The following ASTN2 variants were observed in gnomAD, a reference collection of about 807,000 sequenced individuals.
ASTN2 encodes the protein astrotactin 2.
ASTN2 carries 54 observed loss-of-function variants against 139.8 expected under a neutral mutation model. That is an observed-to-expected ratio of 0.39 (90% CI 0.31 to 0.48). The LOEUF (loss-of-function observed/expected upper bound fraction) is 0.48, where lower values mean the gene tolerates loss of function less well. Ranked by LOEUF, ASTN2 falls within the 20% of genes least tolerant of loss-of-function variation. The pLI is 0.95. For synonymous variants in ASTN2, 756 were observed against 719.5 expected (o/e 1.05, Z -0.81); for missense variants, 1,565 against 1,725.1 (o/e 0.91, Z 1.64).
rs1857124007 is a variant in ASTN2 at position 116,637,348 on chromosome 9, C to G, written c.3072+14180G>C. On this transcript the variant is annotated intron_variant, in intron 17 of 22. Coordinates refer to ENST00000313400, the MANE Select transcript of ASTN2 (RefSeq NM_001365068.1). ...TCACTGAGCTTTTTCTAGTGCAAGG[C>G]AGTGTTGCTAAGCACCTTACATGAA... Among the ~76,000 whole-genome samples, 3 of 152,172 alleles carry G rather than the reference C, an allele frequency of 2.0e-5. No individual in the cohort carries two copies. The South Asian group carries it at 6.2e-4, about 31-fold the overall frequency.
chr9:116,666,564 C>T (rs1409601669), intron 16 of ASTN2, among the ~76,000 whole-genome samples: 1 of 152,110 alleles, frequency 6.6e-6, no homozygotes, highest in African/African-American at 2.4e-5. Context: ...AATAAAGATG[C>T]ACATATATTA....
chr9:117,173,366 AT>A (rs1830839491), intron 3 of ASTN2, among the ~76,000 whole-genome samples: 1 of 152,128 alleles, frequency 6.6e-6, no homozygotes, highest in Non-Finnish European at 1.5e-5. Context: ...AGATATAGAA[AT>A]TTGGTCAATA....
rs1383553529 is a variant in ASTN2, at chr9:116,788,206, T to C, written c.2396+17426A>G. On this transcript the variant is annotated intron_variant, in intron 13 of 22. Transcript: ENST00000313400. ...CGGGGAGATGAAGAATAGGGAGAGA[T>C]TGGTCAAAGGGTACAATGTTTCGAT... 2.6e-5 allele frequency among the ~76,000 whole-genome samples: 4 copies of C among 151,922 alleles called. No individual in the cohort carries two copies. In the East Asian group the frequency reaches 5.8e-4, roughly 22 times the overall value.
At chr9:116,654,339 C>T (rs1858090382) in intron 16 of ASTN2, among the ~76,000 whole-genome samples, 1 of 152,022 alleles carries the variant, frequency 6.6e-6, no homozygotes, top group Non-Finnish European at 1.5e-5. Flanking sequence ...ACTAACTTAC[C>T]CTTTACAGAA....
At chr9:116,863,316 C>G (rs1832939258) in intron 11 of ASTN2, among the ~76,000 whole-genome samples, 1 of 152,190 alleles carries the variant, frequency 6.6e-6, no homozygotes, top group South Asian at 2.1e-4. Flanking sequence ...TTCTGAAGGT[C>G]AGAAGTTCTC....
At chr9:117,322,791 C>T (rs560412837) in intron 1 of ASTN2, among the ~76,000 whole-genome samples, 1 of 152,064 alleles carries the variant, frequency 6.6e-6, no homozygotes, top group Admixed American at 6.6e-5. Flanking sequence ...AGCACAGGCA[C>T]AAGTTGGGCT....
chr9:116,746,450 T>C (rs934134722), intron 13 of ASTN2, among the ~76,000 whole-genome samples: 2 of 152,116 alleles, frequency 1.3e-5, no homozygotes, highest in African/African-American at 4.8e-5. Flanking sequence ...TCTTCCTCTT[T>C]AAAGATCCTT....
At chr9:117,305,439 A>T (rs1454784224) in intron 1 of ASTN2, among the ~76,000 whole-genome samples, 1 of 152,198 alleles carries the variant, frequency 6.6e-6, no homozygotes, top group Non-Finnish European at 1.5e-5. Context: ...ATTTTTTTAA[A>T]TACATCAGCT....
intron 19 of ASTN2, among the ~76,000 whole-genome samples, chr9:116,600,264 C>T (rs2131754484): frequency 7.0e-6 from 1 of 143,070 alleles, no homozygotes; most frequent in East Asian, 2.0e-4. Context: ...ATAGAGGCTA[C>T]AGCGAGGTGT....
intron 7 of ASTN2, among the ~76,000 whole-genome samples, chr9:117,003,953 C>CGCGCGCGCGCGTGTGTGTGTGTGTGTGT (rs1218309835): frequency 1.6e-4 from 23 of 146,226 alleles, no homozygotes; most frequent in African/African-American, 6.0e-4. Context: ...CGCGCGCGCG[C>CGCGCGCGCGCGTGTGTGTGTGTGTGTGT]GTGTGTGTGT....
At chr9:117,047,919 T>C (rs1462132547) in intron 5 of ASTN2, among the ~76,000 whole-genome samples, 5 of 152,034 alleles carry the variant, frequency 3.3e-5, no homozygotes, top group Non-Finnish European at 5.9e-5. Context: ...TGCCAGACAA[T>C]AGAACTAAAT....
intron 1 of ASTN2, among the ~76,000 whole-genome samples, chr9:117,392,240 G>A (rs1264746484): frequency 6.6e-6 from 1 of 152,020 alleles, no homozygotes; most frequent in East Asian, 1.9e-4. Flanking sequence ...AGGTAGAGAT[G>A]GAAAGAAATA....
At chr9:117,187,762 A>C (rs984169343) in intron 3 of ASTN2, among the ~76,000 whole-genome samples, 1 of 151,788 alleles carries the variant, frequency 6.6e-6, no homozygotes, top group Non-Finnish European at 1.5e-5. Flanking sequence ...TGGAAGAAAT[A>C]AATTTATTTT....
At chr9:116,529,956 T>C (rs1239388084) in intron 19 of ASTN2, among the ~76,000 whole-genome samples, 1 of 151,768 alleles carries the variant, frequency 6.6e-6, no homozygotes, top group East Asian at 2.0e-4. Flanking sequence ...AACAGACTAA[T>C]ACAGTATATA....
At chr9:116,887,459 C>T (rs555180252) in intron 10 of ASTN2, among the ~76,000 whole-genome samples, 9 of 151,448 alleles carry the variant, frequency 5.9e-5, no homozygotes, top group African/African-American at 1.2e-4. Flanking sequence ...AGGAAAAAAA[C>T]GTGTTACAAG....
chr9:116,744,157 G>C (rs1199632782), intron 13 of ASTN2, among the ~76,000 whole-genome samples: 2 of 152,144 alleles, frequency 1.3e-5, no homozygotes, highest in East Asian at 3.9e-4. Context: ...AAAGTCCATA[G>C]GGGTGTATGT....
At chr9:116,923,417 A>T (rs1834667685) in intron 10 of ASTN2, among the ~76,000 whole-genome samples, 1 of 152,200 alleles carries the variant, frequency 6.6e-6, no homozygotes, top group Non-Finnish European at 1.5e-5. Flanking sequence ...CAAGTCAGCT[A>T]TTAGACGGCT....
chr9:116,742,329 T>C (rs749361194), intron 13 of ASTN2, among the ~76,000 whole-genome samples: 7 of 152,178 alleles, frequency 4.6e-5, no homozygotes, highest in Non-Finnish European at 8.8e-5. Context: ...GGCCTCACAG[T>C]TGTACCCACC....
At chr9:116,794,738 A>T (rs1390120038) in intron 13 of ASTN2, among the ~76,000 whole-genome samples, 1 of 152,152 alleles carries the variant, frequency 6.6e-6, no homozygotes, top group Non-Finnish European at 1.5e-5. Context: ...AGGCTTTGAA[A>T]GGGATAGAAA....
Sources: allele counts gnomAD v4.1 joint callset (sites outside exome capture counted in the v4.1 genomes callset), GRCh38; gene constraint gnomAD v4.1.1; transcripts MANE v1.5; gene names NCBI Gene and HGNC (gene_info 2026-07-23, HGNC 2026-07-21).